Variants in RGS10 observed in about 807,000 individuals in gnomAD.
The protein encoded by RGS10 is regulator of G protein signaling 10.
Under a neutral mutation model 23.5 loss-of-function variants are expected in RGS10, and 11 were observed. That is an observed-to-expected ratio of 0.47 (90% CI 0.29 to 0.77). The LOEUF (loss-of-function observed/expected upper bound fraction) is 0.77, where lower values mean the gene tolerates loss of function less well. Among genes scored for constraint, RGS10 ranks in the 30% least tolerant of loss-of-function variants. The probability of loss-of-function intolerance (pLI) is 0.08; values close to 1 mark genes in which losing one functional copy is unlikely to be tolerated. For missense variants in RGS10, 180 were observed against 226.3 expected (o/e 0.80, Z 1.31); for synonymous variants, 77 against 83.2 (o/e 0.92, Z 0.41).
intron 3 of RGS10, among the ~76,000 whole-genome samples, chr10:119,522,717 T>C (rs1159785547): frequency 4.0e-5 from 3 of 75,506 alleles, no homozygotes; most frequent in African/African-American, 5.4e-5. Flanking sequence ...AAACTCCGTC[T>C]CAAAAAAAAA....
At chr10:119,529,928 C>T (rs1008294155) in intron 1 of RGS10, among the ~76,000 whole-genome samples, 1 of 152,056 alleles carries the variant, frequency 6.6e-6, no homozygotes, top group African/African-American at 2.4e-5. Flanking sequence ...CCTGTCTCTA[C>T]TAAAAATACA....
chr10:119,524,864 G>T lies in RGS10; in HGVS notation c.255+1168C>A, dbSNP rs537933686. Among the ~76,000 whole-genome samples the T allele has an allele frequency of 2.0e-5, 3 of 152,278 alleles. No homozygotes were observed. In the South Asian group the frequency reaches 6.2e-4, roughly 32 times the overall value. On this transcript the variant is annotated intron_variant, in intron 3 of 4. Coordinates refer to ENST00000369103, the MANE Select transcript of RGS10 (RefSeq NM_001005339.2). The surrounding 1 kb of genome is among the most constrained non-coding windows in gnomAD (Gnocchi z 5.2). ...AGGAAGGTGGTGGAGAAAAGGCCGC[G>T]CTGCGCCATCCAGGAGGATGGGTGT...
At chr10:119,541,291 C>A (rs1844432959) in intron 1 of RGS10, among the ~76,000 whole-genome samples, 1 of 152,168 alleles carries the variant, frequency 6.6e-6, no homozygotes, top group Non-Finnish European at 1.5e-5. Flanking sequence ...GACTCACATG[C>A]AACACAAAAA....
intron 4 of RGS10, among the ~76,000 whole-genome samples, chr10:119,510,357 C>T (rs1174247983): frequency 6.6e-6 from 1 of 152,198 alleles, no homozygotes; most frequent in African/African-American, 2.4e-5. Context: ...TGCCTCGGGG[C>T]CTTTGCGCTC....
chr10:119,525,552 A>G (rs1287994798), intron 3 of RGS10, among the ~76,000 whole-genome samples: 1 of 152,222 alleles, frequency 6.6e-6, no homozygotes, highest in African/African-American at 2.4e-5. Context: ...GAAGGCAAAG[A>G]GGACACATCT....
rs116506885 is a variant in RGS10 at position 119,527,117 on chromosome 10, G to A, written c.168+189C>T. Among the ~76,000 whole-genome samples, 7 of 152,176 alleles carry A rather than the reference G, an allele frequency of 4.6e-5. No individual in the cohort carries two copies. Among genetic ancestry groups the A allele is most frequent in the East Asian group, 1.9e-4 (1 of 5,176 alleles). On this transcript the variant is annotated intron_variant, in intron 2 of 4. Coordinates refer to ENST00000369103, the MANE Select transcript of RGS10 (RefSeq NM_001005339.2). This position sits in a 1 kb window ranked among gnomAD's most constrained non-coding sequence, Gnocchi z 4.2. Reference sequence around the variant, plus strand: ...AAACAGGCTACCCATCTGTGACAGCGTTGCCAACACAGTCATGACAGATGA... The same window carrying A: ...AAACAGGCTACCCATCTGTGACAGCATTGCCAACACAGTCATGACAGATGA...
rs147853288 is a variant in RGS10 at position 119,540,397 on chromosome 10, C to G, written c.49+2193G>C. ...GTCTAAGGAGCTGGGACTACAGGCA[C>G]GCATCACCATGCCTGGCTAATTTTT... On this transcript the variant is annotated intron_variant, in intron 1 of 4. Transcript: ENST00000369103. Among the ~76,000 whole-genome samples, 1,485 of 152,242 alleles carry G rather than the reference C, an allele frequency of 9.8e-3. 39 individuals carry two copies. The highest frequency in any genetic ancestry group is 0.069 in the East Asian group (356 of 5,186).
At chr10:119,536,801 A>G (rs947949414) in intron 1 of RGS10, among the ~76,000 whole-genome samples, 1 of 152,180 alleles carries the variant, frequency 6.6e-6, no homozygotes, top group East Asian at 1.9e-4. Flanking sequence ...CTCCACTTCC[A>G]GAAGCCCCTG....
chr10:119,515,692 C>T (rs1396476232), intron 3 of RGS10, 40 bp from the exon 4 acceptor site: 4 of 1,610,798 alleles, frequency 2.5e-6, no homozygotes. Flanking sequence ...TCTGCACACA[C>T]AGCCTTCCCG....
intron 3 of RGS10, among the ~76,000 whole-genome samples, chr10:119,516,050 G>A (rs938421524): frequency 3.3e-5 from 5 of 152,090 alleles, no homozygotes; most frequent in African/African-American, 7.2e-5. Context: ...TCAGGAGTTC[G>A]AGAGCAGCCT....
In RGS10 at chr10:119,527,248, T is replaced by G; in HGVS notation, c.168+58A>C. On this transcript the variant is annotated intron_variant, in intron 2 of 4. Coordinates refer to ENST00000369103, the MANE Select transcript of RGS10 (RefSeq NM_001005339.2). This position sits in a 1 kb window ranked among gnomAD's most constrained non-coding sequence, Gnocchi z 4.2. ...TGAACTGGCCTATTTCTCCCCTGTG[T>G]GCATCTGAACTTCTGCACACACTGC... 1 of 1,248,308 alleles carries G rather than the reference T, an allele frequency of 8.0e-7. No individual in the cohort carries two copies. The highest frequency in any genetic ancestry group is 1.2e-6 in the Non-Finnish European group (1 of 858,088). The allele number at this position is 1,248,308 out of a possible 1,614,324, so 77.3% of individuals were successfully genotyped here. A position where few individuals can be genotyped will look rare whatever the true frequency, so the allele number is the denominator to read the frequency against.
chr10:119,519,995 C>T (rs1190959646), intron 3 of RGS10, among the ~76,000 whole-genome samples: 4 of 152,304 alleles, frequency 2.6e-5, no homozygotes, highest in South Asian at 4.1e-4. Flanking sequence ...AGAGTGGTCC[C>T]CTTCTGGCTG....
intron 3 of RGS10, 98 bp from the exon 4 acceptor site, chr10:119,515,750 G>A (rs1344788067): frequency 6.1e-6 from 9 of 1,476,528 alleles, no homozygotes; most frequent in Non-Finnish European, 8.2e-6. Context: ...GAGCTGCTGT[G>A]GCAAGAGAAA....
intron 1 of RGS10, among the ~76,000 whole-genome samples, chr10:119,529,670 T>C (rs996836270): frequency 6.6e-6 from 1 of 152,174 alleles, no homozygotes; most frequent in Non-Finnish European, 1.5e-5. Context: ...ATCTCTAAAA[T>C]AACCATCTAT....
chr10:119,534,845 A>G (rs1480187568), intron 1 of RGS10, among the ~76,000 whole-genome samples: 1 of 150,782 alleles, frequency 6.6e-6, no homozygotes, highest in Admixed American at 6.6e-5. Flanking sequence ...AGCCGAGATC[A>G]AGCCACTGCA....
chr10:119,528,991 C>A (rs543149771), intron 1 of RGS10, among the ~76,000 whole-genome samples: 36 of 152,300 alleles, frequency 2.4e-4, no homozygotes, highest in African/African-American at 8.7e-4. Flanking sequence ...TGACTCACGA[C>A]ACTGAGAAGT....
In RGS10 at chr10:119,515,555, A is replaced by T; in HGVS notation, c.353T>A (p.Ile118Asn). ...VEGQSRLNEK[I>N]LEEPHPLMFQ... ...CATCAGAGGGTGCGGTTCTTCCAGG[A>T]TCTTCTCGTTGAGCCGAGACTGCCC... Residue 118 changes from isoleucine to asparagine, a missense_variant, in exon 4 of 5, where the codon ATC (isoleucine) becomes AAC (asparagine). Coordinates refer to ENST00000369103, the MANE Select transcript of RGS10 (RefSeq NM_001005339.2). 6.2e-7 allele frequency: 1 copy of T among 1,614,114 alleles called. No homozygotes were observed. Among genetic ancestry groups the T allele is most frequent in the Non-Finnish European group, 8.5e-7 (1 of 1,180,032 alleles).
chr10:119,511,214 A>G (rs1056829707), intron 4 of RGS10, among the ~76,000 whole-genome samples: 1 of 152,144 alleles, frequency 6.6e-6, no homozygotes, highest in Non-Finnish European at 1.5e-5. Flanking sequence ...CTTTGCCTCC[A>G]AAGGGCTGGG....
chr10:119,509,242 T>C (rs532767854), intron 4 of RGS10, among the ~76,000 whole-genome samples: 2 of 152,134 alleles, frequency 1.3e-5, no homozygotes, highest in Non-Finnish European at 2.9e-5. Context: ...TGAGAAAAGC[T>C]AGGCACGGAG....
Sources: allele counts gnomAD v4.1 joint callset (sites outside exome capture counted in the v4.1 genomes callset), GRCh38; gene constraint gnomAD v4.1.1; non-coding constraint Gnocchi (gnomAD v3.1); transcripts MANE v1.5; gene names NCBI Gene and HGNC (gene_info 2026-07-23, HGNC 2026-07-21).